The following WFDC2 variants were observed in gnomAD, a reference collection of about 807,000 sequenced individuals.
WFDC2 encodes the protein WAP four-disulfide core domain protein 2.
Under a neutral mutation model 12.5 loss-of-function variants are expected in WFDC2, and 8 were observed. That is an observed-to-expected ratio of 0.64 (90% confidence interval 0.37 to 1.15). The LOEUF is 1.15. WFDC2 is among the 50% of genes most tolerant of loss of function. WFDC2 has a pLI of 0.01. For synonymous variants in WFDC2, 74 were observed against 67.2 expected (o/e 1.10, Z -0.49); for missense variants, 166 against 159.9 (o/e 1.04, Z -0.21).
chr20:45,474,222 A>G (rs1211079032), intron 2 of WFDC2, among the ~76,000 whole-genome samples: 1 of 152,174 alleles, frequency 6.6e-6, no homozygotes, highest in East Asian at 1.9e-4. Flanking sequence ...TATGTTGAAT[A>G]GGGGTGGTGA....
At chr20:45,474,589 T>C (rs1430224170) in intron 2 of WFDC2, among the ~76,000 whole-genome samples, 1 of 152,236 alleles carries the variant, frequency 6.6e-6, no homozygotes, top group Admixed American at 6.5e-5. Flanking sequence ...CAGCATTTTA[T>C]TAAGGATTTT....
intron 2 of WFDC2, among the ~76,000 whole-genome samples, chr20:45,474,451 T>C (rs1207642709): frequency 1.3e-5 from 2 of 152,212 alleles, no homozygotes; most frequent in Non-Finnish European, 2.9e-5. Flanking sequence ...GTTTTTGTCA[T>C]TGATTTTGCT....
chr20:45,471,811 C>T (rs780264481), intron 2 of WFDC2, among the ~76,000 whole-genome samples: 9 of 152,160 alleles, frequency 5.9e-5, no homozygotes, highest in Non-Finnish European at 1.2e-4. Context: ...AGGGAGGCAG[C>T]CTGGAGGTTT....
chr20:45,472,142 A>C (rs1372539570), intron 2 of WFDC2, among the ~76,000 whole-genome samples: 1 of 152,094 alleles, frequency 6.6e-6, no homozygotes, highest in Non-Finnish European at 1.5e-5. Context: ...TTTATGCTTT[A>C]AGTTCTGGGG....
intron 2 of WFDC2, among the ~76,000 whole-genome samples, chr20:45,474,576 T>A (rs1472500808): frequency 1.3e-5 from 2 of 152,234 alleles, no homozygotes; most frequent in African/African-American, 4.8e-5. Flanking sequence ...GGATTTGGTT[T>A]GCCAGCATTT....
intron 2 of WFDC2, among the ~76,000 whole-genome samples, chr20:45,475,489 CTT>C (rs1489831330): frequency 2.6e-5 from 4 of 151,936 alleles, no homozygotes; most frequent in Admixed American, 2.6e-4. Context: ...GTTATGCGGT[CTT>C]GAGTGAGTTT....
At chr20:45,477,048 A>G (rs1240329975) in intron 2 of WFDC2, among the ~76,000 whole-genome samples, 1 of 151,832 alleles carries the variant, frequency 6.6e-6, no homozygotes, top group African/African-American at 2.4e-5. Flanking sequence ...TTCTTCTCTA[A>G]ACTGGTTAAT....
chr20:45,477,067 C>G (rs771323598), intron 2 of WFDC2, among the ~76,000 whole-genome samples: 3 of 151,982 alleles, frequency 2.0e-5, no homozygotes, highest in Non-Finnish European at 4.4e-5. Flanking sequence ...ATCTAGTTAG[C>G]AATTCCTATA....
chr20:45,471,359 G>C (rs1471399873), intron 2 of WFDC2: 1 of 336,982 alleles, frequency 3.0e-6, no homozygotes, highest in Non-Finnish European at 6.1e-6. Flanking sequence ...TCAGCTTTCC[G>C]TTCTCCAGAG....
chr20:45,471,079 T>A (rs1413705595), intron 2 of WFDC2: 2 of 466,000 alleles, frequency 4.3e-6, no homozygotes, highest in Non-Finnish European at 8.9e-6. Flanking sequence ...GAGAAAAAAA[T>A]GTTCTTGCCC....
chr20:45,474,256 CGGTTTTCAAA>C (rs1991206667), intron 2 of WFDC2, among the ~76,000 whole-genome samples: 1 of 151,994 alleles, frequency 6.6e-6, no homozygotes, highest in Admixed American at 6.5e-5. Context: ...TGTCTTGTGC[CGGTTTTCAAA>C]GGGAATGCTT....
chr20:45,480,846 G>T (rs964309325), intron 3 of WFDC2, among the ~76,000 whole-genome samples: 1 of 152,138 alleles, frequency 6.6e-6, no homozygotes, highest in Non-Finnish European at 1.5e-5. Flanking sequence ...CTGGAGCCAG[G>T]GCTCTCAGAT....
intron 2 of WFDC2, chr20:45,471,232 C>T (rs1991168152): frequency 2.1e-6 from 1 of 465,392 alleles, no homozygotes; most frequent in Non-Finnish European, 4.5e-6. Flanking sequence ...TTCAGTCAAT[C>T]TCTTCCACTC....
intron 2 of WFDC2, chr20:45,471,321 CA>C (rs1437929413): frequency 2.7e-6 from 1 of 375,556 alleles, no homozygotes; most frequent in East Asian, 7.6e-5. Flanking sequence ...GCTATCAGAA[CA>C]GGGGGTGGCT....
At chr20:45,479,427 G>A in intron 2 of WFDC2, 2 of 538,582 alleles carry the variant, frequency 3.7e-6, no homozygotes, top group Non-Finnish European at 6.6e-6. Flanking sequence ...TGTAACACAA[G>A]GAAATATTAA....
At chr20:45,479,744 T>C (rs369575846) in intron 2 of WFDC2, 198 bp from the exon 3 acceptor site, 3 of 1,613,840 alleles carry the variant, frequency 1.9e-6, no homozygotes, top group African/African-American at 2.7e-5. Context: ...GTGATTCCAT[T>C]TGGGAGCAGG....
intron 2 of WFDC2, chr20:45,471,260 C>T (rs1241445174): frequency 4.5e-6 from 2 of 448,388 alleles, no homozygotes; most frequent in South Asian, 3.2e-5. Flanking sequence ...TGAGTGAGCG[C>T]GAGCTGGGGA....
rs900468912 is a variant in WFDC2 at position 45,470,104 on chromosome 20, G to C, written c.79+244G>C. On this transcript the variant is annotated intron_variant, in intron 1 of 3. Transcript: ENST00000372676. This position sits in a 1 kb window ranked among gnomAD's most constrained non-coding sequence, Gnocchi z 5.4. ...CACTCCGTGGCTGCAGTGGGCTGGG[G>C]GTGGGGGCTGCTCTGCCTCGACCTC... Among the ~76,000 whole-genome samples the C allele has an allele frequency of 6.6e-6, 1 of 152,156 alleles. No individual in the cohort carries two copies. The highest frequency in any genetic ancestry group is 1.5e-5 in the Non-Finnish European group (1 of 68,024).
In WFDC2 at chr20:45,479,642, C is replaced by T. The variant is rs764088651; in HGVS notation, c.224-300C>T. ...CACAACAACCCTATGTTGTAATTAG[C>T]ACTGTTCCACTGGCACCTAAAGACA... On this transcript the variant is annotated intron_variant, in intron 2 of 3. Transcript: ENST00000372676. The T allele has an allele frequency of 5.6e-6, 9 of 1,594,226 alleles. No individual in the cohort carries two copies. The South Asian group carries it at 9.9e-5, about 18-fold the overall frequency.
Sources: allele counts gnomAD v4.1 joint callset (sites outside exome capture counted in the v4.1 genomes callset), GRCh38; gene constraint gnomAD v4.1.1; non-coding constraint Gnocchi (gnomAD v3.1); transcripts MANE v1.5; gene names NCBI Gene and HGNC (gene_info 2026-07-23, HGNC 2026-07-21).